SPDYE12: variants seen among roughly 807,000 people sequenced by gnomAD.
SPDYE12 encodes speedy protein E12.
At chr7:74,908,661 C>CTTTTTTTT in the SPDYE12 span, among the ~76,000 whole-genome samples, 14 of 58,602 alleles carry the variant, frequency 2.4e-4, no homozygotes, top group Non-Finnish European at 3.2e-4. Context: ...GTTTTTTGTT[C>CTTTTTTTT]TTTTTTTTTT....
the SPDYE12 span, chr7:74,909,518 T>C: frequency 1.1e-5 from 17 of 1,558,090 alleles, no homozygotes; most frequent in Admixed American, 1.7e-5. Context: ...AGCAAACCAC[T>C]CACAGAGCCA....
the SPDYE12 span, among the ~76,000 whole-genome samples, chr7:74,908,667 T>C: frequency 2.1e-5 from 2 of 94,044 alleles, no homozygotes; most frequent in African/African-American, 4.2e-5. Flanking sequence ...TGTTCTTTTT[T>C]TTTTTTTTTT....
the SPDYE12 span, chr7:74,909,538 G>C: frequency 8.2e-6 from 13 of 1,577,444 alleles, 2 homozygotes; most frequent in Non-Finnish European, 1.1e-5. Context: ...AGGAAGAAAT[G>C]AATGCGTTGG....
the SPDYE12 span, among the ~76,000 whole-genome samples, chr7:74,907,975 C>T: frequency 6.7e-6 from 1 of 150,132 alleles, no homozygotes; most frequent in Non-Finnish European, 1.5e-5. Flanking sequence ...CTGCCTTCTA[C>T]AGGCATCTAG....
At chr7:74,909,758 G>A in the SPDYE12 span, among the ~76,000 whole-genome samples, 13 of 151,240 alleles carry the variant, frequency 8.6e-5, no homozygotes, top group East Asian at 1.9e-4. Context: ...AAATTGCGGG[G>A]TGGAGGGGTA....
At chr7:74,910,664 G>T in the SPDYE12 span, among the ~76,000 whole-genome samples, 1 of 151,360 alleles carries the variant, frequency 6.6e-6, no homozygotes, top group Non-Finnish European at 1.5e-5. Context: ...CCTTCAGCCT[G>T]GGCAACAGAG....
the SPDYE12 span, among the ~76,000 whole-genome samples, chr7:74,909,053 C>CTTTTTTTTTT: frequency 2.2e-5 from 1 of 46,270 alleles, no homozygotes. Context: ...TTTTTTTTGG[C>CTTTTTTTTTT]TTTTTTTTTT....
At chr7:74,909,033 G>GTTT in the SPDYE12 span, among the ~76,000 whole-genome samples, 4 of 31,994 alleles carry the variant, frequency 1.3e-4, no homozygotes, top group Admixed American at 5.4e-4. Context: ...TTTTTGCCTG[G>GTTT]TTTTTTTTTT....
At chr7:74,909,722 G>A in the SPDYE12 span, 19 of 1,395,348 alleles carry the variant, frequency 1.4e-5, no homozygotes, top group East Asian at 2.5e-4. Context: ...AGGGACCTCA[G>A]CATTGGGGTG....
chr7:74,910,670 C>T, the SPDYE12 span, among the ~76,000 whole-genome samples: 1 of 151,252 alleles, frequency 6.6e-6, no homozygotes, highest in African/African-American at 2.4e-5. Context: ...GCCTGGGCAA[C>T]AGAGCAAGAC....
the SPDYE12 span, among the ~76,000 whole-genome samples, chr7:74,908,584 G>A: frequency 2.8e-5 from 4 of 143,030 alleles, no homozygotes; most frequent in Non-Finnish European, 4.6e-5. Context: ...TGCTTGCTGG[G>A]GGAAGTGTCA....
the SPDYE12 span, chr7:74,909,451 G>T: frequency 4.1e-6 from 4 of 977,298 alleles, no homozygotes; most frequent in South Asian, 5.3e-5. Flanking sequence ...TAAATGAAAG[G>T]CTGGAATCCC....
the SPDYE12 span, among the ~76,000 whole-genome samples, chr7:74,909,036 TTTTTTTTTTTTTTTGGC>T: frequency 7.0e-6 from 1 of 141,928 alleles, no homozygotes; most frequent in Non-Finnish European, 1.5e-5. Flanking sequence ...TTGCCTGGTT[TTTTTTTTTTTTTTTGGC>T]TTTTTTTTTT....
chr7:74,907,452 C>T, the SPDYE12 span, among the ~76,000 whole-genome samples: 208 of 151,584 alleles, frequency 1.4e-3, 1 homozygote, highest in African/African-American at 4.5e-3. Context: ...AAAAAATACA[C>T]CAGACGCGGT....
the SPDYE12 span, among the ~76,000 whole-genome samples, chr7:74,908,697 G>A: frequency 1.6e-3 from 140 of 88,286 alleles, 2 homozygotes; most frequent in Non-Finnish European, 2.4e-3. Context: ...TTTTTGAGAC[G>A]GAGTCTCATT....
the SPDYE12 span, among the ~76,000 whole-genome samples, chr7:74,912,519 C>G: frequency 1.9e-4 from 3 of 15,938 alleles, no homozygotes; most frequent in African/African-American, 7.9e-4. Flanking sequence ...GCCTCAGCCT[C>G]TCAGGTAGCT....
At chr7:74,909,219 G>T in the SPDYE12 span, among the ~76,000 whole-genome samples, 4 of 150,454 alleles carry the variant, frequency 2.7e-5, no homozygotes, top group African/African-American at 9.7e-5. Context: ...ATGCCCGACT[G>T]ATTTTTCTAT....
chr7:74,909,033 G>GGTTTTTTTTTTTT, the SPDYE12 span, among the ~76,000 whole-genome samples: 1 of 32,000 alleles, frequency 3.1e-5, no homozygotes, highest in Non-Finnish European at 9.0e-5. Flanking sequence ...TTTTTGCCTG[G>GGTTTTTTTTTTTT]TTTTTTTTTT....
the SPDYE12 span, among the ~76,000 whole-genome samples, chr7:74,908,745 C>T: frequency 1.5e-5 from 2 of 134,736 alleles, no homozygotes; most frequent in African/African-American, 2.8e-5. Context: ...GCGATCTCGG[C>T]TCACTGCAAG....
Sources: allele counts gnomAD v4.1 joint callset (sites outside exome capture counted in the v4.1 genomes callset), GRCh38; gene constraint gnomAD v4.1.1; transcripts MANE v1.5; gene names NCBI Gene and HGNC (gene_info 2026-07-23, HGNC 2026-07-21).